Variants in RIF1 observed in about 807,000 individuals in gnomAD.
RIF1 encodes replication timing regulatory factor 1, also known as telomere-associated protein RIF1.
In RIF1, 45 loss-of-function variants were observed where a neutral mutation model predicts 247.1. That is an observed-to-expected ratio of 0.18 (90% CI 0.14 to 0.23). The LOEUF is 0.23. Among genes scored for constraint, RIF1 ranks in the 10% least tolerant of loss-of-function variants. RIF1 has a pLI of 1.00. For synonymous variants in RIF1, 1,087 were observed against 978.8 expected, an observed-to-expected ratio of 1.11 and a Z score of -2.06; for missense variants, 2,967 against 2,862.5, an observed-to-expected ratio of 1.04 and a Z score of -0.83.
intron 9 of RIF1, chr2:151,493,512 G>T: frequency 1.9e-6 from 2 of 1,062,182 alleles, no homozygotes; most frequent in Non-Finnish European, 2.7e-6. Context: ...TCATCACTTA[G>T]CTGGTGTTAT....
At chr2:151,449,893 A>G (rs1693981734) in intron 20 of RIF1, among the ~76,000 whole-genome samples, 1 of 142,530 alleles carries the variant, frequency 7.0e-6, no homozygotes, top group African/African-American at 2.6e-5. Context: ...TCCAGGCTGG[A>G]GTGCAGTGGT....
intron 30 of RIF1, 63 bp from the exon 31 acceptor site, chr2:151,467,937 T>C: frequency 6.7e-7 from 1 of 1,491,646 alleles, no homozygotes; most frequent in East Asian, 2.3e-5. Flanking sequence ...ATAATGAAAA[T>C]TTATGGTGTA....
the RIF1 span, among the ~76,000 whole-genome samples, chr2:151,530,020 G>A: frequency 6.6e-6 from 1 of 152,148 alleles, no homozygotes; most frequent in Admixed American, 6.6e-5. Flanking sequence ...TGCTCCGGCA[G>A]TTATAGCTAT....
chr2:151,510,021 G>T (rs905140562), downstream of RIF1, among the ~76,000 whole-genome samples: 1 of 152,212 alleles, frequency 6.6e-6, no homozygotes, highest in African/African-American at 2.4e-5. Context: ...ATGTCTTTGT[G>T]TAAGTGTTCA....
intron 8 of RIF1, among the ~76,000 whole-genome samples, chr2:151,425,083 T>C (rs1453353408): frequency 6.6e-6 from 1 of 152,044 alleles, no homozygotes; most frequent in Non-Finnish European, 1.5e-5. Context: ...ATTTTCCTTT[T>C]TTTGATAGCC....
the RIF1 span, chr2:151,525,219 T>C: frequency 6.2e-7 from 1 of 1,614,008 alleles, no homozygotes; most frequent in East Asian, 2.2e-5. Flanking sequence ...GGCTCCAGCA[T>C]GATGGAGTAG....
At chr2:151,492,461 G>A in intron 9 of RIF1, 1 of 1,613,402 alleles carries the variant, frequency 6.2e-7, no homozygotes, top group Non-Finnish European at 8.5e-7. Context: ...GCTTTGCCTT[G>A]TATTTGTTTC....
intron 9 of RIF1, chr2:151,490,349 A>C: frequency 6.3e-7 from 1 of 1,580,798 alleles, no homozygotes; most frequent in Non-Finnish European, 8.6e-7. Context: ...GGGACTGCCA[A>C]AATCAGCGCC....
intron 6 of RIF1, among the ~76,000 whole-genome samples, chr2:151,418,175 A>G (rs959450025): frequency 3.3e-5 from 5 of 152,290 alleles, no homozygotes; most frequent in Admixed American, 6.5e-5. Flanking sequence ...AAATCTATAA[A>G]AACATTTTTA....
At chr2:151,506,326 A>G (rs189874501) in exon 13 of RIF1, 4 of 1,172,192 alleles carry the variant, frequency 3.4e-6, no homozygotes, top group Admixed American at 3.9e-5. Context: ...CTGGAGAAAG[A>G]CTAGGACACA....
chr2:151,533,545 C>T, the RIF1 span: 3 of 1,546,522 alleles, frequency 1.9e-6, no homozygotes, highest in Admixed American at 3.9e-5. Context: ...TTTATATTTT[C>T]TCTGTCCATG....
At chr2:151,454,534 C>T in intron 21 of RIF1, among the ~76,000 whole-genome samples, 1 of 152,016 alleles carries the variant, frequency 6.6e-6, no homozygotes, top group East Asian at 1.9e-4. Context: ...AATTTGGAAC[C>T]TATCTTATGT....
At chr2:151,428,142 T>A (rs1188331604) in intron 8 of RIF1, among the ~76,000 whole-genome samples, 1 of 152,148 alleles carries the variant, frequency 6.6e-6, no homozygotes, top group Non-Finnish European at 1.5e-5. Flanking sequence ...GGCAGGAGAA[T>A]CACTTGAACC....
At chr2:151,499,223 G>T in intron 10 of RIF1, 1 of 799,236 alleles carries the variant, frequency 1.3e-6, no homozygotes, top group Non-Finnish European at 1.9e-6. Flanking sequence ...GAGTTGATTA[G>T]ATTTTTAAAA....
At chr2:151,454,112 TC>T (rs1308225616) in intron 21 of RIF1, among the ~76,000 whole-genome samples, 1 of 152,204 alleles carries the variant, frequency 6.6e-6, no homozygotes, top group East Asian at 1.9e-4. Flanking sequence ...AAGATCAACT[TC>T]CTTTTAGTAG....
At position 151,426,168 on chromosome 2, in the gene RIF1, A is replaced by ATTTTTT. The variant is rs35001554; in HGVS notation, c.787-2597_787-2592dup. 4.2e-3 allele frequency among the ~76,000 whole-genome samples: 246 copies of ATTTTTT among 58,210 alleles called. 26 individuals are homozygous for ATTTTTT. The highest frequency in any genetic ancestry group is 7.5e-3 in the African/African-American group (108 of 14,438). The allele number at this position is 58,210 out of a possible 152,430, so 38.2% of individuals were successfully genotyped here. ...TTTTTCAGGATTGTTTTGGCTTTTA[A>ATTTTTT]TTTTTTTTTTTTTTTTTTTTTTTTG... On this transcript the variant is annotated intron_variant, in intron 8 of 35. Transcript: ENST00000444746.
In RIF1 at chr2:151,463,815, A is replaced by G. The variant is rs1696537425; in HGVS notation, c.4295A>G (p.Gln1432Arg). The G allele has an allele frequency of 1.1e-5, 18 of 1,612,322 alleles. 1 individual carries two copies. The highest frequency in any genetic ancestry group is 1.5e-5 in the Non-Finnish European group (18 of 1,179,618). Residue 1432 changes from glutamine (Q) to arginine (R), a missense_variant, in exon 30 of 36, where the codon CAA (glutamine) becomes CGA (arginine). Physicochemically the swap from Gln to Arg is conservative, Grantham distance 43. This residue lies in a region of RIF1 where 2,028 missense variants were observed against 1,825.6 expected (regional missense o/e 1.11). Coordinates refer to ENST00000444746, the MANE Select transcript of RIF1 (RefSeq NM_018151.5). ...SEVVESTTESQDKENSHQKKE... is the reference protein window; with the variant it reads ...SEVVESTTESRDKENSHQKKE... Reference sequence around the variant, plus strand: ...GTAGTAGAGTCTACCACTGAAAGCCAAGATAAGGAAAATAGTCATCAAAAA... The same window carrying G: ...GTAGTAGAGTCTACCACTGAAAGCCGAGATAAGGAAAATAGTCATCAAAAA...
rs144139780 is a variant in RIF1, at chr2:151,424,569, A to T, written c.786+1527A>T. On this transcript the variant is annotated intron_variant, in intron 8 of 35. Coordinates refer to ENST00000444746, the MANE Select transcript of RIF1 (RefSeq NM_018151.5). ...AATGTTGCTGTAAACACCAGTGTAC[A>T]AATCTGTTGGAGTTCCTGCTTTCAG... 5.1e-3 allele frequency among the ~76,000 whole-genome samples: 776 copies of T among 152,296 alleles called. 4 individuals carry two copies. The highest frequency in any genetic ancestry group is 8.6e-3 in the Admixed American group (131 of 15,298).
At chr2:151,500,447 G>A (rs2063563621) in intron 11 of RIF1, among the ~76,000 whole-genome samples, 1 of 151,498 alleles carries the variant, frequency 6.6e-6, no homozygotes, top group African/African-American at 2.4e-5. Flanking sequence ...GTGTGTTAGA[G>A]TTTTTCAGCA....
Sources: allele counts gnomAD v4.1 joint callset (sites outside exome capture counted in the v4.1 genomes callset), GRCh38; gene constraint gnomAD v4.1.1; regional missense constraint gnomAD v4.1.1; transcripts MANE v1.5; gene names NCBI Gene and HGNC (gene_info 2026-07-23, HGNC 2026-07-21).